The following CNTNAP2 variants were observed in gnomAD, a reference collection of about 807,000 sequenced individuals.
CNTNAP2 encodes contactin-associated protein-like 2.
In CNTNAP2, 98 loss-of-function variants were observed where a neutral mutation model predicts 155.2. The observed-to-expected ratio is 0.63, with a 90% confidence interval of 0.54 to 0.75. The LOEUF (loss-of-function observed/expected upper bound fraction) is 0.75. Among genes scored for constraint, CNTNAP2 ranks in the 30% least tolerant of loss-of-function variants. The pLI is 0.00. For synonymous variants in CNTNAP2, 651 were observed against 631.2 expected, an observed-to-expected ratio of 1.03 and a Z score of -0.47; for missense variants, 1,727 against 1,688.1, an observed-to-expected ratio of 1.02 and a Z score of -0.40.
At position 146,343,080 on chromosome 7, in the gene CNTNAP2, G is replaced by GT. The variant is rs959193376; in HGVS notation, c.97+226117dup. ...GTTACTGTGTTTGGTAAAGAAGGTT[G>GT]TTTTTTTTTTGTTTGTTTTTTGTTT... is the stretch of plus-strand genomic sequence containing the variant. On this transcript the variant is annotated intron_variant, in intron 1 of 23. Transcript: ENST00000361727. Among the ~76,000 whole-genome samples the GT allele has an allele frequency of 7.3e-3, 1,062 of 145,242 alleles. 10 individuals carry two copies. The highest frequency in any genetic ancestry group is 0.016 in the African/African-American group (621 of 39,006).
intron 13 of CNTNAP2, among the ~76,000 whole-genome samples, chr7:147,752,778 A>G (rs1205069848): frequency 1.3e-5 from 2 of 152,180 alleles, no homozygotes; most frequent in African/African-American, 4.8e-5. Context: ...TATTTGCCAG[A>G]ATTTACTTCC....
At chr7:147,753,346 ACT>A (rs1355045107) in intron 13 of CNTNAP2, among the ~76,000 whole-genome samples, 2 of 152,064 alleles carry the variant, frequency 1.3e-5, no homozygotes, top group Non-Finnish European at 2.9e-5. Context: ...TGTGTGAAAT[ACT>A]CTCTTTCTGA....
intron 16 of CNTNAP2, among the ~76,000 whole-genome samples, chr7:148,132,094 T>C (rs1377022865): frequency 6.6e-6 from 1 of 152,224 alleles, no homozygotes; most frequent in Non-Finnish European, 1.5e-5. Flanking sequence ...TAATTTGTAC[T>C]TGTATCCCCT....
chr7:146,205,742 G>A (rs1798935726), intron 1 of CNTNAP2, among the ~76,000 whole-genome samples: 1 of 151,816 alleles, frequency 6.6e-6, no homozygotes, highest in African/African-American at 2.4e-5. Flanking sequence ...ATTATTAAAA[G>A]TCTAACATAG....
At chr7:146,246,641 C>A (rs1490931921) in intron 1 of CNTNAP2, among the ~76,000 whole-genome samples, 1 of 151,540 alleles carries the variant, frequency 6.6e-6, no homozygotes, top group Non-Finnish European at 1.5e-5. Context: ...CCGACAGCAT[C>A]AGTCTTCAGC....
chr7:147,531,360 T>C (rs111606623), intron 11 of CNTNAP2, among the ~76,000 whole-genome samples: 24,173 of 152,228 alleles, frequency 0.16, 2,093 homozygotes, highest in Admixed American at 0.23. Flanking sequence ...GAGGGCCCCA[T>C]CCCTGCAGCA....
chr7:148,344,648 A>G (rs1347895878), intron 21 of CNTNAP2, among the ~76,000 whole-genome samples: 8 of 152,152 alleles, frequency 5.3e-5, no homozygotes, highest in Admixed American at 5.2e-4. Flanking sequence ...TATCAGTGAC[A>G]ATTGTTGTCA....
chr7:148,033,303 C>G (rs1462099976), intron 15 of CNTNAP2, among the ~76,000 whole-genome samples: 1 of 151,984 alleles, frequency 6.6e-6, no homozygotes, highest in Non-Finnish European at 1.5e-5. Context: ...CCTACTCCAC[C>G]CCCAATCTCC....
chr7:148,167,507 A>C (rs1805691186), intron 17 of CNTNAP2, among the ~76,000 whole-genome samples: 1 of 152,186 alleles, frequency 6.6e-6, no homozygotes. Context: ...AGAAAAAAAA[A>C]AGTCAGACAT....
intron 1 of CNTNAP2, among the ~76,000 whole-genome samples, chr7:146,154,040 A>G (rs1798090020): frequency 6.6e-6 from 1 of 151,980 alleles, no homozygotes; most frequent in African/African-American, 2.4e-5. Context: ...CTGATTGTTC[A>G]TTTCCCTTTT....
intron 1 of CNTNAP2, among the ~76,000 whole-genome samples, chr7:146,644,112 G>T (rs1325310457): frequency 6.6e-6 from 1 of 152,144 alleles, no homozygotes; most frequent in Non-Finnish European, 1.5e-5. Flanking sequence ...TGCAAACAGG[G>T]ACAATTCGAC....
chr7:147,499,543 G>A (rs1234135195), intron 11 of CNTNAP2, among the ~76,000 whole-genome samples: 3 of 151,850 alleles, frequency 2.0e-5, no homozygotes, highest in East Asian at 1.9e-4. Flanking sequence ...AAAAAATACC[G>A]ATATAATGAT....
At chr7:148,208,108 G>A (rs1412007115) in intron 18 of CNTNAP2, among the ~76,000 whole-genome samples, 4 of 149,858 alleles carry the variant, frequency 2.7e-5, no homozygotes, top group Admixed American at 1.3e-4. Context: ...AAAAAAAGAG[G>A]TCATCACAGG....
intron 11 of CNTNAP2, among the ~76,000 whole-genome samples, chr7:147,539,660 C>A (rs984820058): frequency 6.6e-6 from 1 of 152,088 alleles, no homozygotes; most frequent in East Asian, 1.9e-4. Context: ...TATCAACTCC[C>A]AGGTGTAATC....
At chr7:147,547,636 C>CAG (rs200971080) in intron 11 of CNTNAP2, among the ~76,000 whole-genome samples, 28,028 of 151,512 alleles carry the variant, frequency 0.18, 2,904 homozygotes, top group East Asian at 0.36. Flanking sequence ...TCTAAACACA[C>CAG]ACACACACAC....
At chr7:146,683,543 C>T (rs1800542449) in intron 1 of CNTNAP2, among the ~76,000 whole-genome samples, 2 of 152,060 alleles carry the variant, frequency 1.3e-5, no homozygotes, top group Non-Finnish European at 1.5e-5. Flanking sequence ...TGTGTCATAC[C>T]GGACATTAAT....
intron 2 of CNTNAP2, among the ~76,000 whole-genome samples, chr7:146,806,825 G>T (rs550591003): frequency 6.6e-6 from 1 of 152,218 alleles, no homozygotes; most frequent in South Asian, 2.1e-4. Context: ...TGATTTAAAG[G>T]CCCAACTCCA....
chr7:147,013,472 G>C (rs1798663106), intron 3 of CNTNAP2, among the ~76,000 whole-genome samples: 1 of 151,908 alleles, frequency 6.6e-6, no homozygotes, highest in Non-Finnish European at 1.5e-5. Context: ...AAAATATACT[G>C]TCCCTAAAAA....
rs770491447 is a variant in CNTNAP2 at position 147,032,381 on chromosome 7, A to G, written c.403-11526A>G. On this transcript the variant is annotated intron_variant, in intron 3 of 23. Transcript: ENST00000361727. ...CTTGGACACTAAGGTTAAGATCAAT[A>G]TGATACATGACCAATGGAATGTATG... Among the ~76,000 whole-genome samples the G allele has an allele frequency of 2.6e-4, 39 of 152,196 alleles. 1 individual carries two copies. The highest frequency in any genetic ancestry group is 4.7e-4 in the Non-Finnish European group (32 of 68,034).
Sources: allele counts gnomAD v4.1 joint callset (sites outside exome capture counted in the v4.1 genomes callset), GRCh38; gene constraint gnomAD v4.1.1; transcripts MANE v1.5; gene names NCBI Gene and HGNC (gene_info 2026-07-23, HGNC 2026-07-21).